Variants in CA10 observed in about 807,000 individuals in gnomAD.
The protein encoded by CA10 is carbonic anhydrase-related protein 10.
Under a neutral mutation model 44.2 loss-of-function variants are expected in CA10, and 14 were observed. The ratio of observed to expected loss-of-function variants is 0.32; its 90% CI spans 0.21 to 0.50. The LOEUF (loss-of-function observed/expected upper bound fraction) is 0.50. Ranked by LOEUF, CA10 falls within the 20% of genes least tolerant of loss-of-function variation. The probability of loss-of-function intolerance (pLI) is 0.99; values close to 1 mark genes in which losing one functional copy is unlikely to be tolerated. For missense variants in CA10, 350 were observed against 409.7 expected, an observed-to-expected ratio of 0.85 and a Z score of 1.26; for synonymous variants, 159 against 141.6, an observed-to-expected ratio of 1.12 and a Z score of -0.87.
chr17:51,716,478 GA>G (rs772101892), intron 4 of CA10, among the ~76,000 whole-genome samples: 3 of 128,460 alleles, frequency 2.3e-5, no homozygotes, highest in East Asian at 2.6e-4. Flanking sequence ...GAGAAAAAAA[GA>G]AGAGAAAAAA....
intron 3 of CA10, among the ~76,000 whole-genome samples, chr17:51,912,736 T>A (rs1359788334): frequency 2.6e-5 from 4 of 152,220 alleles, no homozygotes; most frequent in Admixed American, 2.0e-4. Context: ...AACATTTTCC[T>A]GATATCATAC....
intron 3 of CA10, among the ~76,000 whole-genome samples, chr17:51,864,312 C>G (rs2143846968): frequency 6.6e-6 from 1 of 152,172 alleles, no homozygotes; most frequent in South Asian, 2.1e-4. Flanking sequence ...GTAGATCACC[C>G]AAAACATGGT....
At chr17:51,755,596 A>C (rs1462098941) in intron 3 of CA10, among the ~76,000 whole-genome samples, 1 of 152,200 alleles carries the variant, frequency 6.6e-6, no homozygotes, top group African/African-American at 2.4e-5. Context: ...AGCTGAGAGG[A>C]AATAGAATTT....
Position 52,121,218 on chromosome 17 carries a change from C to T in CA10, c.61+36508G>A, listed in dbSNP as rs192028306. ...TCTCTTGCAGACGTTATGGCAAATA[C>T]GCTAAGAAATCCTTCCAAGCACTCT... On this transcript the variant is annotated intron_variant, in intron 1 of 8. Transcript: ENST00000451037. Among the ~76,000 whole-genome samples, 401 of 152,256 alleles carry T rather than the reference C, an allele frequency of 2.6e-3. 3 individuals are homozygous for T. The highest frequency in any genetic ancestry group is 9.1e-3 in the African/African-American group (377 of 41,550).
At chr17:51,920,589 T>C (rs1258000191) in intron 3 of CA10, among the ~76,000 whole-genome samples, 1 of 152,136 alleles carries the variant, frequency 6.6e-6, no homozygotes, top group Admixed American at 6.5e-5. Flanking sequence ...GGTGTTTCCT[T>C]GGGAGATTTG....
At chr17:51,654,645 C>T (rs988701635) in intron 4 of CA10, among the ~76,000 whole-genome samples, 2 of 151,924 alleles carry the variant, frequency 1.3e-5, no homozygotes, top group Admixed American at 1.3e-4. Flanking sequence ...CAACCTCCGC[C>T]TCCCAGGTTC....
intron 3 of CA10, among the ~76,000 whole-genome samples, chr17:51,813,477 A>G (rs1907450909): frequency 6.6e-6 from 1 of 152,160 alleles, no homozygotes; most frequent in Admixed American, 6.5e-5. Flanking sequence ...CTCCTCCCCC[A>G]TGGAGCACTT....
chr17:52,140,977 A>C (rs1989466201), intron 1 of CA10, among the ~76,000 whole-genome samples: 1 of 152,158 alleles, frequency 6.6e-6, no homozygotes, highest in Non-Finnish European at 1.5e-5. Flanking sequence ...TTGATTTCTC[A>C]GGTTGTCATT....
chr17:51,917,271 T>C (rs1009613819), intron 3 of CA10, among the ~76,000 whole-genome samples: 2 of 108,252 alleles, frequency 1.8e-5, no homozygotes, highest in African/African-American at 5.2e-5. Context: ...AAAGGCAGGA[T>C]AAGCCAGCTC....
chr17:51,856,456 C>T (rs910787901), intron 3 of CA10, among the ~76,000 whole-genome samples: 2 of 152,014 alleles, frequency 1.3e-5, no homozygotes, highest in African/African-American at 2.4e-5. Context: ...TATAAAAGGA[C>T]AGATAGTTGT....
intron 3 of CA10, among the ~76,000 whole-genome samples, chr17:51,827,332 GCACACA>G (rs35515561): frequency 7.0e-4 from 103 of 147,770 alleles, no homozygotes; most frequent in African/African-American, 2.3e-3. Flanking sequence ...AGAGAAACAC[GCACACA>G]CACACACACA....
intron 2 of CA10, among the ~76,000 whole-genome samples, chr17:52,062,437 G>T (rs1987414346): frequency 1.3e-5 from 2 of 152,144 alleles, no homozygotes; most frequent in Admixed American, 1.3e-4. Context: ...GATTAAAATG[G>T]ATAAAAGGGA....
intron 3 of CA10, among the ~76,000 whole-genome samples, chr17:51,920,781 T>A (rs1325960769): frequency 1.3e-5 from 2 of 152,198 alleles, no homozygotes; most frequent in African/African-American, 4.8e-5. Flanking sequence ...ATACAGCATC[T>A]TAGACTTTCA....
chr17:51,893,430 G>A (rs1257800032), intron 3 of CA10, among the ~76,000 whole-genome samples: 1 of 152,112 alleles, frequency 6.6e-6, no homozygotes, highest in Non-Finnish European at 1.5e-5. Flanking sequence ...CTATACAAGA[G>A]GGATTTTGTC....
At chr17:51,701,070 C>G (rs1476515869) in intron 4 of CA10, among the ~76,000 whole-genome samples, 2 of 151,654 alleles carry the variant, frequency 1.3e-5, no homozygotes, top group Non-Finnish European at 2.9e-5. Context: ...CACATGTATC[C>G]CAGAACTTAA....
chr17:51,630,461 G>T lies in CA10; in HGVS notation c.*1123C>A, dbSNP rs72830531. The T allele has an allele frequency of 5.3e-3, 806 of 152,732 alleles. 5 individuals are homozygous for T. Among genetic ancestry groups the T allele is most frequent in the Middle Eastern group, 6.8e-3 (2 of 294 alleles). The allele number at this position is 152,732 out of a possible 1,614,324, so 9.5% of individuals were successfully genotyped here. A position where few individuals can be genotyped will look rare whatever the true frequency, so the allele number is the denominator to read the frequency against. On this transcript the variant is annotated 3_prime_UTR_variant, in exon 9 of 9. Coordinates refer to ENST00000451037, the MANE Select transcript of CA10 (RefSeq NM_020178.5). The stretch of plus-strand genomic sequence containing the variant: ...GAGAGAAAACATACCCCTTTCCCAG[G>T]AACTTACAAGGCAAAGTGCATTCCT...
chr17:51,955,786 A>G (rs1251773807), intron 2 of CA10, among the ~76,000 whole-genome samples: 2 of 151,456 alleles, frequency 1.3e-5, no homozygotes, highest in East Asian at 2.0e-4. Flanking sequence ...ATGAGAACAC[A>G]TGGACAGAGG....
intron 2 of CA10, among the ~76,000 whole-genome samples, chr17:52,039,959 G>A (rs1986723136): frequency 6.6e-6 from 1 of 151,994 alleles, no homozygotes; most frequent in African/African-American, 2.4e-5. Flanking sequence ...TTGATTAAAT[G>A]GTACAGAGAA....
intron 3 of CA10, among the ~76,000 whole-genome samples, chr17:51,809,617 T>A: frequency 6.6e-6 from 1 of 152,190 alleles, no homozygotes; most frequent in East Asian, 1.9e-4. Context: ...AGACGACGGA[T>A]GCTGCAGGAC....
Sources: gnomAD v4.1 joint callset for allele counts (sites outside exome capture counted in the v4.1 genomes callset) on GRCh38, gnomAD v4.1.1 for gene constraint, MANE v1.5 for transcripts, NCBI Gene and HGNC (gene_info 2026-07-23, HGNC 2026-07-21) for gene names.